The following STKLD1 variants were observed in gnomAD, a reference collection of about 807,000 sequenced individuals.
STKLD1 encodes serine/threonine kinase-like domain-containing protein STKLD1.
In STKLD1, 79 loss-of-function variants were observed where a neutral mutation model predicts 80.4. That is an observed-to-expected ratio of 0.98 (90% CI 0.82 to 1.19). The LOEUF (loss-of-function observed/expected upper bound fraction) is 1.19, where lower values mean the gene tolerates loss of function less well. Among genes scored for constraint, STKLD1 ranks in the 50% most tolerant of loss-of-function variants. The pLI is 0.00. For synonymous variants in STKLD1, 393 were observed against 357.6 expected, an observed-to-expected ratio of 1.10 and a Z score of -1.12; for missense variants, 841 against 856.0, an observed-to-expected ratio of 0.98 and a Z score of 0.22.
At position 133,405,487 on chromosome 9, in the gene STKLD1, T is replaced by G. The variant is rs1838835157; in HGVS notation, c.*66T>G. ...TTTCAAGACTGCTCTCCTGCCTGCC[T>G]ATTATCCCATCTCTATGACTGGGCC... is the stretch of plus-strand genomic sequence containing the variant. On this transcript the variant is annotated 3_prime_UTR_variant, in exon 18 of 18. Transcript: ENST00000371957. 2.0e-6 allele frequency: 3 copies of G among 1,483,460 alleles called. No homozygotes were observed. In the East Asian group the frequency reaches 7.1e-5, roughly 35 times the overall value. 91.9% of individuals were successfully genotyped at this position (1,483,460 alleles called of 1,614,324 possible).
At chr9:133,387,185 C>A (rs2130278960) in intron 4 of STKLD1, among the ~76,000 whole-genome samples, 9 of 152,046 alleles carry the variant, frequency 5.9e-5, no homozygotes, top group African/African-American at 1.9e-4. Flanking sequence ...TGTGCAGTGG[C>A]CAGGGGACAA....
At position 133,389,356 on chromosome 9, in the gene STKLD1, G is replaced by A. The variant is rs1367675363; in HGVS notation, c.397-170G>A. 2.0e-6 allele frequency: 2 copies of A among 985,360 alleles called. No individual in the cohort carries two copies. Among genetic ancestry groups the A allele is most frequent in the Non-Finnish European group, 2.4e-6 (2 of 829,920 alleles). The allele number at this position is 985,360 out of a possible 1,614,324, so 61.0% of individuals were successfully genotyped here. A position where few individuals can be genotyped will look rare whatever the true frequency, so the allele number is the denominator to read the frequency against. On this transcript the variant is annotated intron_variant, in intron 5 of 17. Coordinates refer to ENST00000371957, the MANE Select transcript of STKLD1 (RefSeq NM_153710.5). The surrounding 1 kb of genome is among the most constrained non-coding windows in gnomAD (Gnocchi z 6.4). ...TGCCGCCGCGGCTTTACCATCTGGAGAGCCACCACGCTGAAGCCTCCTCCA... is the reference window on the plus strand; with the variant it reads ...TGCCGCCGCGGCTTTACCATCTGGAAAGCCACCACGCTGAAGCCTCCTCCA...
At position 133,376,540 on chromosome 9, in the gene STKLD1, G is replaced by A; in HGVS notation, c.67G>A (p.Glu23Lys). ...QGERGPGSPG[E>K]PMEKYQVLYQ... Reference sequence around the variant, plus strand: ...GGAGCGAGGCCCAGGGTCCCCCGGAGAGCCCATGGAGAAGTACCAGGTGCC... The same window carrying A: ...GGAGCGAGGCCCAGGGTCCCCCGGAAAGCCCATGGAGAAGTACCAGGTGCC... The change falls in exon 1 of 18, where the codon GAG becomes AAG. Residue 23 changes from glutamate (E) to lysine (K), a missense_variant. By Grantham distance (56) the Glu-to-Lys change is moderately conservative. Coordinates refer to ENST00000371957, the MANE Select transcript of STKLD1 (RefSeq NM_153710.5). 6.3e-7 allele frequency: 1 copy of A among 1,599,418 alleles called. No individual in the cohort carries two copies. Among genetic ancestry groups the A allele is most frequent in the Non-Finnish European group, 8.5e-7 (1 of 1,174,880 alleles).
At chr9:133,376,936 C>T in intron 1 of STKLD1, among the ~76,000 whole-genome samples, 1 of 152,112 alleles carries the variant, frequency 6.6e-6, no homozygotes. Context: ...CAGCGTGGGT[C>T]TGTGAAAATG....
intron 5 of STKLD1, 182 bp downstream of exon 5, chr9:133,387,730 T>A: frequency 1.4e-6 from 1 of 691,364 alleles, no homozygotes; most frequent in Non-Finnish European, 2.7e-6. Flanking sequence ...GTGCACAGTT[T>A]GATGCACTCA....
At chr9:133,381,730 G>A (rs1838140530) in intron 2 of STKLD1, among the ~76,000 whole-genome samples, 3 of 152,182 alleles carry the variant, frequency 2.0e-5, no homozygotes, top group Admixed American at 6.5e-5. Flanking sequence ...GATTTCAGGC[G>A]TGAGCCACTG....
In STKLD1 at chr9:133,401,802, T is replaced by C. The variant is rs905719073; in HGVS notation, c.1263T>C (p.Ser421=). The C allele has an allele frequency of 3.7e-6, 6 of 1,613,482 alleles. No homozygotes were observed. The highest frequency in any genetic ancestry group is 4.2e-6 in the Non-Finnish European group (5 of 1,179,988). ...AAGCCATCACCTCCACCCTGCTGAGTGCTCTTCAGAGCCACCCCGAGGAGG... is the reference window on the plus strand; with the variant it reads ...AAGCCATCACCTCCACCCTGCTGAGCGCTCTTCAGAGCCACCCCGAGGAGG... The part of the protein sequence containing the change: ...CNQAITSTLL[S]ALQSHPEEEP... Residue 421 remains serine, a synonymous_variant, in exon 13 of 18, where the codon AGT becomes AGC. Coordinates refer to ENST00000371957, the MANE Select transcript of STKLD1 (RefSeq NM_153710.5).
intron 12 of STKLD1, 132 bp downstream of exon 12, chr9:133,400,661 CCTTCTAGGCCAT>C (rs587761519): frequency 2.9e-5 from 22 of 763,998 alleles, no homozygotes; most frequent in African/African-American, 2.0e-4. Flanking sequence ...TGCTGCTGCA[CCTTCTAGGCCAT>C]CTTCTAGGCC....
chr9:133,405,031 A>AGGGAAGGAGC, intron 17 of STKLD1, 102 bp downstream of exon 17: 1 of 1,501,276 alleles, frequency 6.7e-7, no homozygotes, highest in Non-Finnish European at 9.0e-7. Context: ...AGGTGGGCTC[A>AGGGAAGGAGC]ACCCCACTTC....
rs2130283913 is a variant in STKLD1 at position 133,389,353 on chromosome 9, G to A, written c.397-173G>A. On this transcript the variant is annotated intron_variant, in intron 5 of 17. Transcript: ENST00000371957. This position sits in a 1 kb window ranked among gnomAD's most constrained non-coding sequence, Gnocchi z 6.4. ...GGCTGCCGCCGCGGCTTTACCATCT[G>A]GAGAGCCACCACGCTGAAGCCTCCT... is the stretch of plus-strand genomic sequence containing the variant. 2.0e-6 allele frequency: 2 copies of A among 985,324 alleles called. No individual in the cohort carries two copies. The highest frequency in any genetic ancestry group is 2.3e-4 in the East Asian group (2 of 8,792). The allele number at this position is 985,324 out of a possible 1,614,324, so 61.0% of individuals were successfully genotyped here.
chr9:133,386,566 T>A (rs1428855755), intron 4 of STKLD1, among the ~76,000 whole-genome samples: 1 of 152,216 alleles, frequency 6.6e-6, no homozygotes, highest in East Asian at 1.9e-4. Context: ...GGAAGTACTG[T>A]CCCTGTGCTC....
intron 16 of STKLD1, 113 bp downstream of exon 16, chr9:133,404,161 A>C: frequency 1.5e-6 from 2 of 1,321,334 alleles, no homozygotes; most frequent in Non-Finnish European, 2.0e-6. Context: ...ACAAATCAAA[A>C]AGGAAAAGAA....
chr9:133,377,262 A>G (rs189816861), intron 1 of STKLD1, among the ~76,000 whole-genome samples: 18 of 151,362 alleles, frequency 1.2e-4, no homozygotes, highest in African/African-American at 2.7e-4. Flanking sequence ...CTGCTTTTGG[A>G]AAAAAAAATA....
chr9:133,394,520 T>C lies in STKLD1; in HGVS notation c.702+111T>C. On this transcript the variant is annotated intron_variant, in intron 8 of 17. Coordinates refer to ENST00000371957, the MANE Select transcript of STKLD1 (RefSeq NM_153710.5). The surrounding 1 kb of genome is among the most constrained non-coding windows in gnomAD (Gnocchi z 4.9). ...CCCTCTGCATCCCTTCCCCTGGCTCTCTGCAGGCTGCACAGAGCCCTCTTC... is the reference window on the plus strand; with the variant it reads ...CCCTCTGCATCCCTTCCCCTGGCTCCCTGCAGGCTGCACAGAGCCCTCTTC... 1.2e-6 allele frequency: 1 copy of C among 808,950 alleles called. No individual in the cohort carries two copies. The highest frequency in any genetic ancestry group is 2.1e-6 in the Non-Finnish European group (1 of 469,920). 50.1% of individuals were successfully genotyped at this position (808,950 alleles called of 1,614,324 possible).
chr9:133,393,961 A>C, intron 7 of STKLD1: 1 of 281,498 alleles, frequency 3.6e-6, no homozygotes, highest in Non-Finnish European at 6.7e-6. Flanking sequence ...AGGGGTGCAC[A>C]GTTTCTTGGC....
At chr9:133,382,718 C>A (rs1482329929) in intron 2 of STKLD1, among the ~76,000 whole-genome samples, 5 of 137,344 alleles carry the variant, frequency 3.6e-5, no homozygotes, top group African/African-American at 1.4e-4. Context: ...GGGATGGTGA[C>A]AGTGGTGTTG....
chr9:133,402,740 A>G (rs4962139), intron 13 of STKLD1, 138 bp from the exon 14 acceptor site: 87,218 of 919,760 alleles, frequency 0.095, 5,425 homozygotes, highest in African/African-American at 0.26. Context: ...TCAGGGCTCC[A>G]TTGAGTGCAC....
At chr9:133,392,008 T>G (rs2130290748) in intron 7 of STKLD1, among the ~76,000 whole-genome samples, 4 of 150,078 alleles carry the variant, frequency 2.7e-5, no homozygotes, top group Non-Finnish European at 5.9e-5. Flanking sequence ...GAAAGGGGGC[T>G]GGAGAGATCA....
intron 2 of STKLD1, among the ~76,000 whole-genome samples, chr9:133,382,149 G>A (rs1357247127): frequency 2.0e-5 from 3 of 152,196 alleles, no homozygotes; most frequent in Non-Finnish European, 2.9e-5. Flanking sequence ...CAGGAGAGAA[G>A]AGCACTGTAC....
Sources: gnomAD v4.1 joint callset for allele counts (sites outside exome capture counted in the v4.1 genomes callset) on GRCh38, gnomAD v4.1.1 for gene constraint, Gnocchi (gnomAD v3.1) non-coding constraint, MANE v1.5 for transcripts, NCBI Gene and HGNC (gene_info 2026-07-23, HGNC 2026-07-21) for gene names.